Variants in KAZN observed in about 807,000 individuals in gnomAD.
The protein encoded by KAZN is kazrin.
In KAZN, 40 loss-of-function variants were observed where a neutral mutation model predicts 87.4. The observed-to-expected ratio is 0.46, with a 90% CI of 0.36 to 0.60. The LOEUF (loss-of-function observed/expected upper bound fraction) is 0.60. Among genes scored for constraint, KAZN ranks in the 20% least tolerant of loss-of-function variants. The pLI is 0.00. For synonymous variants in KAZN, 466 were observed against 458.3 expected (o/e 1.02, Z -0.22); for missense variants, 898 against 1,073.9 (o/e 0.84, Z 2.29).
chr1:14,351,727 T>A (rs1019235815), intron 2 of KAZN, among the ~76,000 whole-genome samples: 10 of 152,178 alleles, frequency 6.6e-5, no homozygotes, highest in Non-Finnish European at 1.3e-4. Flanking sequence ...TCAAGGGAAG[T>A]ACTCTCACTT....
At chr1:14,795,428 A>G (rs943192010) in intron 1 of KAZN, among the ~76,000 whole-genome samples, 4 of 152,112 alleles carry the variant, frequency 2.6e-5, no homozygotes, top group Non-Finnish European at 4.4e-5. Flanking sequence ...ACTTGTCGAT[A>G]TGGATGGTAG....
chr1:13,945,874 A>G (rs143080852), intron 1 of KAZN, among the ~76,000 whole-genome samples: 2 of 152,244 alleles, frequency 1.3e-5, no homozygotes, highest in Non-Finnish European at 2.9e-5. Flanking sequence ...GGTTTTCAGA[A>G]CATCCGAGAT....
At chr1:14,829,635 G>A (rs991647622) in intron 1 of KAZN, among the ~76,000 whole-genome samples, 6 of 152,176 alleles carry the variant, frequency 3.9e-5, no homozygotes, top group Non-Finnish European at 8.8e-5. Context: ...TGTTTATTGG[G>A]GTAGGGAGGT....
At chr1:14,430,397 C>T (rs1313495435) in intron 2 of KAZN, among the ~76,000 whole-genome samples, 2 of 152,152 alleles carry the variant, frequency 1.3e-5, no homozygotes, top group African/African-American at 4.8e-5. Context: ...ACATAAAATA[C>T]ACACTTAATA....
intron 2 of KAZN, among the ~76,000 whole-genome samples, chr1:15,013,635 A>G (rs1465816901): frequency 6.6e-6 from 1 of 151,670 alleles, no homozygotes; most frequent in Non-Finnish European, 1.5e-5. Context: ...GGGCGCCTGT[A>G]GTTCCAGCTA....
At chr1:14,466,737 G>A (rs1182212167) in intron 2 of KAZN, among the ~76,000 whole-genome samples, 1 of 151,834 alleles carries the variant, frequency 6.6e-6, no homozygotes, top group Non-Finnish European at 1.5e-5. Flanking sequence ...GGGAGGCCGA[G>A]GTGGGCAGAT....
At chr1:14,356,159 T>G (rs1659007157) in intron 2 of KAZN, among the ~76,000 whole-genome samples, 1 of 152,244 alleles carries the variant, frequency 6.6e-6, no homozygotes, top group Non-Finnish European at 1.5e-5. Context: ...GTGGTTTTGT[T>G]TGCATTTCTC....
chr1:14,474,496 T>C (rs1185824183), intron 2 of KAZN, among the ~76,000 whole-genome samples: 2 of 152,188 alleles, frequency 1.3e-5, no homozygotes, highest in South Asian at 4.1e-4. Context: ...AATAAGAACG[T>C]ACTTGGCTTA....
intron 1 of KAZN, among the ~76,000 whole-genome samples, chr1:14,749,789 C>A (rs1387756164): frequency 6.6e-6 from 1 of 152,256 alleles, no homozygotes; most frequent in East Asian, 1.9e-4. Context: ...TTCTCCTTGG[C>A]CCATCCTAAG....
intron 2 of KAZN, among the ~76,000 whole-genome samples, chr1:14,386,167 T>C (rs1439155017): frequency 6.8e-6 from 1 of 146,154 alleles, no homozygotes; most frequent in Non-Finnish European, 1.5e-5. Context: ...ATTTGCTTGG[T>C]AGATCTTCCT....
intron 2 of KAZN, among the ~76,000 whole-genome samples, chr1:14,467,497 A>G (rs1023976496): frequency 6.6e-6 from 1 of 152,064 alleles, no homozygotes; most frequent in African/African-American, 2.4e-5. Flanking sequence ...ATTATATTCC[A>G]TGTAAATGGG....
At chr1:14,157,650 G>A (rs1645623230) in intron 1 of KAZN, among the ~76,000 whole-genome samples, 1 of 152,094 alleles carries the variant, frequency 6.6e-6, no homozygotes, top group Non-Finnish European at 1.5e-5. Context: ...CTAATTTTAG[G>A]AGGCTTTCTT....
intron 1 of KAZN, among the ~76,000 whole-genome samples, chr1:14,146,441 CAGG>C (rs1355714336): frequency 6.8e-6 from 1 of 146,010 alleles, no homozygotes; most frequent in Non-Finnish European, 1.5e-5. Context: ...GAGGCTGAGG[CAGG>C]AGAATTGTTT....
intron 1 of KAZN, among the ~76,000 whole-genome samples, chr1:14,621,152 G>A (rs758094933): frequency 2.0e-5 from 3 of 152,198 alleles, no homozygotes; most frequent in Admixed American, 2.0e-4. Flanking sequence ...GGTCCACCAG[G>A]ACTGGAGCAG....
At chr1:14,777,451 G>A (rs897701220) in intron 1 of KAZN, among the ~76,000 whole-genome samples, 7 of 152,040 alleles carry the variant, frequency 4.6e-5, no homozygotes, top group African/African-American at 1.7e-4. Flanking sequence ...TTCTCCCTCC[G>A]AGGGCCTCCT....
At chr1:14,873,934 C>T (rs1437105947) in intron 1 of KAZN, among the ~76,000 whole-genome samples, 1 of 152,012 alleles carries the variant, frequency 6.6e-6, no homozygotes, top group East Asian at 1.9e-4. Flanking sequence ...AGAGATGCAC[C>T]CTTGAGTAAC....
At chr1:14,433,673 C>A (rs35247776) in intron 2 of KAZN, among the ~76,000 whole-genome samples, 9,141 of 152,276 alleles carry the variant, frequency 0.06, 346 homozygotes, top group Middle Eastern at 0.099. Context: ...GCCTGACCAA[C>A]ATGGCAAATC....
intron 1 of KAZN, among the ~76,000 whole-genome samples, chr1:14,750,205 T>A (rs551968893): frequency 3.3e-5 from 5 of 151,970 alleles, no homozygotes; most frequent in East Asian, 3.9e-4. Flanking sequence ...AAAGTTTTTT[T>A]AAAAAAAATG....
At chr1:14,896,553 G>T (rs1655298709) in intron 1 of KAZN, among the ~76,000 whole-genome samples, 2 of 152,304 alleles carry the variant, frequency 1.3e-5, no homozygotes, top group Middle Eastern at 3.4e-3. Flanking sequence ...AGCTCTAACT[G>T]GTACCCTGTC....
Sources: allele counts gnomAD v4.1 joint callset (sites outside exome capture counted in the v4.1 genomes callset), GRCh38; gene constraint gnomAD v4.1.1; transcripts MANE v1.5; gene names NCBI Gene and HGNC (gene_info 2026-07-23, HGNC 2026-07-21).